TMSB15B: variants seen among roughly 807,000 people sequenced by gnomAD.
The protein encoded by TMSB15B is thymosin beta-15B.
At chrX:103,929,679 G>A (rs2074979050) in intron 1 of TMSB15B, among the ~76,000 whole-genome samples, 1 of 111,109 alleles carries the variant, frequency 9.0e-6, no homozygotes, top group South Asian at 3.8e-4. Context: ...TTTGAAAGAA[G>A]AGATTTAATT....
chrX:103,955,524 AG>A (rs2075049253), intron 1 of TMSB15B, among the ~76,000 whole-genome samples: 1 of 109,906 alleles, frequency 9.1e-6, no homozygotes. Context: ...GAATAGACCA[AG>A]CAGAAGAAAG....
intron 1 of TMSB15B, among the ~76,000 whole-genome samples, chrX:103,941,352 T>C (rs1453956882): frequency 2.7e-5 from 3 of 111,917 alleles, no homozygotes; most frequent in African/African-American, 9.7e-5. Flanking sequence ...AAAACATTTT[T>C]TTTTTGGAAA....
chrX:103,952,147 C>G (rs1287664377), intron 1 of TMSB15B, among the ~76,000 whole-genome samples: 4 of 111,599 alleles, frequency 3.6e-5, no homozygotes, highest in African/African-American at 9.8e-5. Flanking sequence ...ACCTTCCCAA[C>G]TTAGTCTTCT....
chrX:103,919,973 G>A (rs1329204634), intron 1 of TMSB15B, among the ~76,000 whole-genome samples: 1 of 111,781 alleles, frequency 8.9e-6, no homozygotes, highest in Non-Finnish European at 1.9e-5. Flanking sequence ...AGGGGGTGAG[G>A]AGGTAGTAGG....
chrX:103,928,242 A>G (rs1449481100), intron 1 of TMSB15B: 6 of 1,203,395 alleles, frequency 5.0e-6, no homozygotes, highest in South Asian at 1.8e-5. Context: ...TTTCCTATCT[A>G]TAAGGTTGTG....
At chrX:103,925,023 C>T in intron 1 of TMSB15B, among the ~76,000 whole-genome samples, 1 of 112,188 alleles carries the variant, frequency 8.9e-6, no homozygotes, top group East Asian at 2.8e-4. Context: ...TTCTGGCTGT[C>T]CTGAGAGTGT....
At chrX:103,943,847 A>G (rs1308673445) in intron 1 of TMSB15B, among the ~76,000 whole-genome samples, 1 of 111,858 alleles carries the variant, frequency 8.9e-6, no homozygotes, top group African/African-American at 3.3e-5. Flanking sequence ...TTCAAATGTC[A>G]TTTCCTCTAT....
At chrX:103,926,674 TG>T (rs1856727676) in intron 1 of TMSB15B, among the ~76,000 whole-genome samples, 1 of 110,646 alleles carries the variant, frequency 9.0e-6, no homozygotes, top group Admixed American at 9.5e-5. Context: ...TCTTGCAGTG[TG>T]TGGCTTCTAC....
intron 1 of TMSB15B, among the ~76,000 whole-genome samples, chrX:103,924,615 G>A (rs1424729643): frequency 3.6e-5 from 4 of 111,709 alleles, no homozygotes; most frequent in African/African-American, 9.8e-5. Flanking sequence ...GCTCCATGGT[G>A]GTTTACCCCC....
At chrX:103,948,244 A>G (rs1196854937) in intron 1 of TMSB15B, among the ~76,000 whole-genome samples, 1 of 112,262 alleles carries the variant, frequency 8.9e-6, no homozygotes, top group Non-Finnish European at 1.9e-5. Context: ...TTCAAACACT[A>G]GGGAGATACT....
intron 1 of TMSB15B, chrX:103,931,019 G>A (rs1556319879): frequency 9.0e-6 from 1 of 111,400 alleles, no homozygotes; most frequent in African/African-American, 3.3e-5. Flanking sequence ...TTACCAGGTT[G>A]TAGTTCTAGC....
intron 1 of TMSB15B, among the ~76,000 whole-genome samples, chrX:103,948,333 C>T (rs1318374104): frequency 1.1e-4 from 12 of 111,859 alleles, no homozygotes; most frequent in Admixed American, 8.5e-4. Flanking sequence ...GGGACTCATA[C>T]ACTGCTGGTA....
chrX:103,951,464 A>G (rs1216149129), intron 1 of TMSB15B, among the ~76,000 whole-genome samples: 1 of 112,054 alleles, frequency 8.9e-6, no homozygotes, highest in Non-Finnish European at 1.9e-5. Context: ...AAGTTGCAAA[A>G]TAATAACTTG....
At chrX:103,924,448 C>A (rs782049568) in intron 1 of TMSB15B, among the ~76,000 whole-genome samples, 1 of 111,836 alleles carries the variant, frequency 8.9e-6, no homozygotes, top group East Asian at 2.8e-4. Context: ...GGTTGCTCCC[C>A]GTCCCAGGTG....
chrX:103,947,985 A>T (rs2075029703), intron 1 of TMSB15B, among the ~76,000 whole-genome samples: 2 of 111,461 alleles, frequency 1.8e-5, no homozygotes, highest in African/African-American at 6.5e-5. Context: ...TGAGAGTTGA[A>T]CAATGAGAAC....
chrX:103,946,733 C>A, intron 1 of TMSB15B, among the ~76,000 whole-genome samples: 1 of 110,924 alleles, frequency 9.0e-6, no homozygotes, highest in Non-Finnish European at 1.9e-5. Context: ...TAGATCCATG[C>A]CTTATACAAA....
chrX:103,939,482 C>T (rs1556323224), intron 1 of TMSB15B, among the ~76,000 whole-genome samples: 1 of 110,124 alleles, frequency 9.1e-6, no homozygotes, highest in Non-Finnish European at 1.9e-5. Context: ...ATGAAGTTCT[C>T]ATGCTGTGTT....
chrX:103,948,029 G>A (rs1308236756), intron 1 of TMSB15B, among the ~76,000 whole-genome samples: 11 of 110,987 alleles, frequency 9.9e-5, no homozygotes, highest in African/African-American at 3.6e-4. Flanking sequence ...TCACACACTG[G>A]AGCCTGTCGG....
chrX:103,932,865 G>A (rs1556320169), intron 1 of TMSB15B: 1 of 111,598 alleles, frequency 9.0e-6, no homozygotes, highest in East Asian at 2.8e-4. Context: ...ACCTACATCT[G>A]TTTAAAGACA....
Sources: allele counts gnomAD v4.1 joint callset (sites outside exome capture counted in the v4.1 genomes callset), GRCh38; gene constraint gnomAD v4.1.1; transcripts MANE v1.5; gene names NCBI Gene and HGNC (gene_info 2026-07-23, HGNC 2026-07-21).